The following SLC16A10 variants were observed in gnomAD, a reference collection of about 807,000 sequenced individuals.
SLC16A10 encodes the protein solute carrier family 16 member 10, also known as monocarboxylate transporter 10.
SLC16A10 carries 27 observed loss-of-function variants against 40.0 expected under a neutral mutation model. The observed-to-expected ratio is 0.67, with a 90% CI of 0.50 to 0.93. SLC16A10 has a LOEUF of 0.93. Ranked by LOEUF, SLC16A10 falls within the 40% of genes least tolerant of loss-of-function variation. The probability of loss-of-function intolerance (pLI) is 0.00; values close to 1 mark genes in which losing one functional copy is unlikely to be tolerated. For missense variants in SLC16A10, 529 were observed against 658.2 expected, an observed-to-expected ratio of 0.80 and a Z score of 2.15; for synonymous variants, 213 against 249.8, an observed-to-expected ratio of 0.85 and a Z score of 1.39.
chr6:111,195,097 G>A (rs1773058012), intron 3 of SLC16A10, among the ~76,000 whole-genome samples: 3 of 151,942 alleles, frequency 2.0e-5, no homozygotes, highest in African/African-American at 7.3e-5. Flanking sequence ...CTATATTCCA[G>A]GCCTTGTCTT....
intron 3 of SLC16A10, among the ~76,000 whole-genome samples, chr6:111,204,909 T>G (rs758405268): frequency 1.3e-5 from 2 of 152,202 alleles, no homozygotes; most frequent in Non-Finnish European, 2.9e-5. Flanking sequence ...CGCTGAGCCC[T>G]TAGACATTTA....
chr6:111,100,209 C>G (rs2114438213), intron 1 of SLC16A10, among the ~76,000 whole-genome samples: 1 of 152,224 alleles, frequency 6.6e-6, no homozygotes, highest in African/African-American at 2.4e-5. Flanking sequence ...TTTATTACTT[C>G]TTTCAATACA....
intron 4 of SLC16A10, among the ~76,000 whole-genome samples, chr6:111,214,326 G>A (rs1199122324): frequency 4.6e-5 from 7 of 152,198 alleles, no homozygotes; most frequent in Non-Finnish European, 1.0e-4. Context: ...GTGTTTGAGA[G>A]CAAGTTTTAA....
intron 4 of SLC16A10, among the ~76,000 whole-genome samples, chr6:111,207,969 G>C (rs1773282652): frequency 6.6e-6 from 1 of 151,782 alleles, no homozygotes; most frequent in South Asian, 2.1e-4. Context: ...GGCGGGGGTT[G>C]GTGTTTTTTG....
chr6:111,221,031 A>AT (rs60733027), intron 5 of SLC16A10, among the ~76,000 whole-genome samples: 92 of 152,362 alleles, frequency 6.0e-4, no homozygotes, highest in African/African-American at 2.1e-3. Flanking sequence ...GGATGTACAC[A>AT]TTTTTATGTG....
At chr6:111,187,003 T>G (rs1200168956) in intron 3 of SLC16A10, among the ~76,000 whole-genome samples, 1 of 152,208 alleles carries the variant, frequency 6.6e-6, no homozygotes, top group Non-Finnish European at 1.5e-5. Flanking sequence ...GAACTGATGC[T>G]TTTTTGAAGT....
At chr6:111,201,285 G>A (rs1215629987) in intron 3 of SLC16A10, among the ~76,000 whole-genome samples, 1 of 152,174 alleles carries the variant, frequency 6.6e-6, no homozygotes, top group Non-Finnish European at 1.5e-5. Flanking sequence ...AGCAGCAGTG[G>A]ATGATAACTA....
chr6:111,148,535 T>A (rs79178504), intron 1 of SLC16A10, among the ~76,000 whole-genome samples: 2 of 152,350 alleles, frequency 1.3e-5, no homozygotes, highest in Non-Finnish European at 2.9e-5. Flanking sequence ...GAAATCTGCC[T>A]GTTAGGTGGA....
At chr6:111,141,559 G>A (rs950491341) in intron 1 of SLC16A10, among the ~76,000 whole-genome samples, 4 of 152,132 alleles carry the variant, frequency 2.6e-5, no homozygotes, top group Non-Finnish European at 5.9e-5. Flanking sequence ...CTACTTGGGA[G>A]GCGGAGGCAG....
At chr6:111,102,804 G>T (rs1469076992) in intron 1 of SLC16A10, among the ~76,000 whole-genome samples, 3 of 152,166 alleles carry the variant, frequency 2.0e-5, no homozygotes, top group Non-Finnish European at 4.4e-5. Context: ...CTCTTTCAGT[G>T]CTATCACCTT....
At chr6:111,095,220 CT>C (rs1478676598) in intron 1 of SLC16A10, among the ~76,000 whole-genome samples, 1 of 152,202 alleles carries the variant, frequency 6.6e-6, no homozygotes, top group African/African-American at 2.4e-5. Flanking sequence ...CCAAATTTGT[CT>C]TGCTGCTTTT....
chr6:111,088,032 C>A lies in SLC16A10; in HGVS notation c.280C>A (p.Leu94Ile). Residue 94 changes from leucine to isoleucine, a missense_variant, in exon 1 of 6, where the codon CTC (leucine) becomes ATC (isoleucine). Transcript: ENST00000368851. ...CGGCATCCAGAACGCTTGCGGGGTG[C>A]TCTTCGTGTCCATGCTGGAAACCTT... is the stretch of plus-strand genomic sequence containing the variant. ...VFGIQNACGV[L>I]FVSMLETFGS... The A allele has an allele frequency of 6.2e-7, 1 of 1,608,980 alleles. No individual in the cohort carries two copies. The highest frequency in any genetic ancestry group is 1.3e-5 in the African/African-American group (1 of 74,756).
intron 1 of SLC16A10, among the ~76,000 whole-genome samples, chr6:111,170,198 G>A (rs1428810540): frequency 1.4e-4 from 22 of 151,982 alleles, no homozygotes; most frequent in Admixed American, 1.4e-3. Flanking sequence ...TTACAGGTGT[G>A]AGCCACCATG....
intron 1 of SLC16A10, among the ~76,000 whole-genome samples, chr6:111,168,527 T>C (rs1047247444): frequency 6.6e-6 from 1 of 152,222 alleles, no homozygotes; most frequent in Non-Finnish European, 1.5e-5. Flanking sequence ...ACAGTCCATT[T>C]TATTTTTGTG....
At chr6:111,174,052 C>A (rs1008779003) in intron 2 of SLC16A10, among the ~76,000 whole-genome samples, 1 of 152,158 alleles carries the variant, frequency 6.6e-6, no homozygotes, top group Non-Finnish European at 1.5e-5. Flanking sequence ...TCTCTCCCTG[C>A]AGCTCTAGTT....
intron 1 of SLC16A10, among the ~76,000 whole-genome samples, chr6:111,092,300 G>A (rs1326147181): frequency 6.9e-6 from 1 of 144,864 alleles, no homozygotes; most frequent in Non-Finnish European, 1.5e-5. Flanking sequence ...AGCTTGAGTT[G>A]TCTCTTTTTT....
At position 111,120,038 on chromosome 6, in the gene SLC16A10, A is replaced by C. The variant is rs543475814; in HGVS notation, c.343+31943A>C. Among the ~76,000 whole-genome samples, 3 of 152,344 alleles carry C rather than the reference A, an allele frequency of 2.0e-5. No individual in the cohort carries two copies. In the South Asian group the frequency reaches 6.2e-4, roughly 32 times the overall value. ...TCTTAGAAATTAACTGGAAATGTAG[A>C]CTAGAAATATAAAAAAGTGTGGTCA... On this transcript the variant is annotated intron_variant, in intron 1 of 5. Transcript: ENST00000368851.
intron 1 of SLC16A10, chr6:111,091,154 C>T (rs1770968366): frequency 6.6e-6 from 1 of 152,130 alleles, no homozygotes; most frequent in Admixed American, 6.5e-5. Flanking sequence ...AGCCAGAATT[C>T]AACCCCAGGC....
At chr6:111,148,953 T>C (rs1371334180) in intron 1 of SLC16A10, among the ~76,000 whole-genome samples, 1 of 152,168 alleles carries the variant, frequency 6.6e-6, no homozygotes, top group East Asian at 1.9e-4. Flanking sequence ...CCTTTACTTA[T>C]GCTGGCCTGA....
Sources: gnomAD v4.1 joint callset for allele counts (sites outside exome capture counted in the v4.1 genomes callset) on GRCh38, gnomAD v4.1.1 for gene constraint, MANE v1.5 for transcripts, NCBI Gene and HGNC (gene_info 2026-07-23, HGNC 2026-07-21) for gene names.